The following USP33 variants were observed in gnomAD, a reference collection of about 807,000 sequenced individuals.
USP33 encodes ubiquitin carboxyl-terminal hydrolase 33.
In USP33, 46 loss-of-function variants were observed where a neutral mutation model predicts 124.2. The ratio of observed to expected loss-of-function variants is 0.37; its 90% CI spans 0.29 to 0.47. The LOEUF (loss-of-function observed/expected upper bound fraction) is 0.47. Ranked by LOEUF, USP33 falls within the 20% of genes least tolerant of loss-of-function variation. The pLI is 0.99. For synonymous variants in USP33, 350 were observed against 352.3 expected (o/e 0.99, Z 0.07); for missense variants, 851 against 1,070.6 (o/e 0.79, Z 2.86).
intron 21 of USP33, among the ~76,000 whole-genome samples, chr1:77,709,552 C>T (rs1475603821): frequency 2.0e-5 from 3 of 150,494 alleles, no homozygotes; most frequent in Non-Finnish European, 4.4e-5. Context: ...TATATAGATA[C>T]ATATCTATAT....
intron 16 of USP33, 29 bp from the exon 17 acceptor site, chr1:77,718,076 T>C (rs768091514): frequency 6.5e-7 from 1 of 1,544,018 alleles, no homozygotes; most frequent in South Asian, 1.3e-5. Context: ...CAAAACTAAT[T>C]TGTCAATACA....
At chr1:77,707,417 G>A (rs1674753889) in intron 21 of USP33, among the ~76,000 whole-genome samples, 2 of 152,204 alleles carry the variant, frequency 1.3e-5, no homozygotes, top group South Asian at 4.2e-4. Flanking sequence ...TCTGTGAAGG[G>A]TCACTTACTG....
At chr1:77,736,776 A>G (rs1315706498) in intron 5 of USP33, among the ~76,000 whole-genome samples, 1 of 152,006 alleles carries the variant, frequency 6.6e-6, no homozygotes, top group Non-Finnish European at 1.5e-5. Flanking sequence ...CGCCCAGCTA[A>G]TTTTTGTATT....
At chr1:77,707,405 T>A (rs532835443) in intron 21 of USP33, among the ~76,000 whole-genome samples, 5 of 152,330 alleles carry the variant, frequency 3.3e-5, no homozygotes, top group Non-Finnish European at 5.9e-5. Context: ...CTGCTGTGTA[T>A]CTCTGTGAAG....
At chr1:77,743,006 G>C in intron 1 of USP33, among the ~76,000 whole-genome samples, 1 of 151,928 alleles carries the variant, frequency 6.6e-6, no homozygotes, top group Non-Finnish European at 1.5e-5. Context: ...GCAATGGCGT[G>C]ATCTCAGCTC....
chr1:77,714,576 A>G (rs563665053), intron 19 of USP33, 38 bp downstream of exon 19: 2 of 1,572,154 alleles, frequency 1.3e-6, no homozygotes, highest in Non-Finnish European at 1.7e-6. Flanking sequence ...ATTTTACAGC[A>G]AACTTCTACT....
intron 21 of USP33, 37 bp from the exon 22 acceptor site, chr1:77,701,508 A>C: frequency 6.5e-7 from 1 of 1,537,014 alleles, no homozygotes; most frequent in Non-Finnish European, 8.9e-7. Context: ...CTAATATCTA[A>C]AACTTGCTTT....
At chr1:77,700,687 A>G (rs1219205699) in intron 22 of USP33, among the ~76,000 whole-genome samples, 2 of 151,340 alleles carry the variant, frequency 1.3e-5, no homozygotes, top group South Asian at 2.1e-4. Flanking sequence ...CCTTTTTCAC[A>G]TATCAGAATC....
Position 77,759,834 on chromosome 1 carries a change from G to C in USP33, c.-243C>G, listed in dbSNP as rs867472941. Reference sequence around the variant, plus strand: ...ACTGGCCACTTCCCGCAGCAGCCGCGGCTCCTTCCGGTGTCTCCGGGGCCG... The same window carrying C: ...ACTGGCCACTTCCCGCAGCAGCCGCCGCTCCTTCCGGTGTCTCCGGGGCCG... On this transcript the variant is annotated 5_prime_UTR_variant, in exon 1 of 24. Transcript: ENST00000370794. 5 of 396,532 alleles carry C rather than the reference G, an allele frequency of 1.3e-5. No individual in the cohort carries two copies. The highest frequency in any genetic ancestry group is 6.3e-4 in the Middle Eastern group (1 of 1,580). 24.6% of individuals were successfully genotyped at this position (396,532 alleles called of 1,614,324 possible).
At chr1:77,742,686 C>T (rs1238113337) in intron 1 of USP33, among the ~76,000 whole-genome samples, 1 of 152,102 alleles carries the variant, frequency 6.6e-6, no homozygotes, top group Non-Finnish European at 1.5e-5. Flanking sequence ...GCTTTTCATG[C>T]TCTTAATTCA....
intron 14 of USP33, 109 bp downstream of exon 14, chr1:77,721,722 T>C: frequency 1.1e-6 from 1 of 946,074 alleles, no homozygotes; most frequent in Non-Finnish European, 1.6e-6. Context: ...GTGAATGTAC[T>C]ATTAAGCTGT....
intron 10 of USP33, among the ~76,000 whole-genome samples, chr1:77,727,456 T>A (rs1677296851): frequency 1.3e-5 from 2 of 152,172 alleles, no homozygotes; most frequent in South Asian, 4.1e-4. Context: ...CTACACAAGA[T>A]CAGTATAATT....
chr1:77,723,289 T>C (rs745357237), intron 12 of USP33, 42 bp downstream of exon 12: 1 of 1,401,512 alleles, frequency 7.1e-7, no homozygotes, highest in Admixed American at 1.9e-5. Context: ...TAAAAATCAT[T>C]TGACACGAAT....
At chr1:77,725,582 G>C (rs765745267) in intron 11 of USP33, 40 bp downstream of exon 11, 3 of 1,595,064 alleles carry the variant, frequency 1.9e-6, no homozygotes, top group African/African-American at 1.3e-5. Flanking sequence ...TTTAAACTAA[G>C]ACCCAAAGCA....
At chr1:77,740,355 T>G (rs980378671) in intron 4 of USP33, among the ~76,000 whole-genome samples, 2 of 141,174 alleles carry the variant, frequency 1.4e-5, no homozygotes, top group African/African-American at 2.6e-5. Flanking sequence ...GGATATACAC[T>G]TTTTTTTTTT....
In USP33 at chr1:77,725,670, G is replaced by A; in HGVS notation, c.1228C>T (p.Pro410Ser). 1 of 1,614,162 alleles carries A rather than the reference G, an allele frequency of 6.2e-7. No individual in the cohort carries two copies. The highest frequency in any genetic ancestry group is 8.5e-7 in the Non-Finnish European group (1 of 1,180,026). ...GVNPRLSASP[P>S]KSGNLWPGLA... ...CCTGGCCACAAATTGCCTGATTTAG[G>A]AGGGCTTGCCGATAAACGTGGATTA... The change falls in exon 11 of 24, where the codon CCT becomes TCT. Residue 410 changes from proline (P) to serine (S), a missense_variant. Physicochemically the swap from Pro to Ser is moderately conservative, Grantham distance 74 (BLOSUM62 -1). Around this residue, in one of 4 missense-constraint regions of USP33, gnomAD observed 207 missense variants for 200.9 expected, o/e 1.03. Transcript: ENST00000370794.
chr1:77,718,556 C>T, intron 16 of USP33, 40 bp downstream of exon 16: 2 of 1,470,698 alleles, frequency 1.4e-6, no homozygotes, highest in South Asian at 2.4e-5. Context: ...CTTTATGTTC[C>T]TACCACACAA....
chr1:77,718,677 A>C, intron 15 of USP33, 36 bp from the exon 16 acceptor site: 1 of 1,520,702 alleles, frequency 6.6e-7, no homozygotes, highest in Non-Finnish European at 9.0e-7. Flanking sequence ...TTAGTCTACA[A>C]AAAAACTTAG....
In USP33 at chr1:77,720,479, T is replaced by G. The variant is rs992302034; in HGVS notation, c.1691+693A>C. 7 of 985,432 alleles carry G rather than the reference T, an allele frequency of 7.1e-6. No individual in the cohort carries two copies. In the African/African-American group the frequency reaches 1.2e-4, roughly 17 times the overall value. 61.0% of individuals were successfully genotyped at this position (985,432 alleles called of 1,614,324 possible). On this transcript the variant is annotated intron_variant, in intron 15 of 23. Coordinates refer to ENST00000370794, the MANE Select transcript of USP33 (RefSeq NM_201624.3). Reference sequence around the variant, plus strand: ...CTTTATCAACCAAATAGTATACCATTCCTTTCTGTCATGTCATGATCAGTT... The same window carrying G: ...CTTTATCAACCAAATAGTATACCATGCCTTTCTGTCATGTCATGATCAGTT...
Sources: allele counts gnomAD v4.1 joint callset (sites outside exome capture counted in the v4.1 genomes callset), GRCh38; gene constraint gnomAD v4.1.1; regional missense constraint gnomAD v4.1.1; transcripts MANE v1.5; gene names NCBI Gene and HGNC (gene_info 2026-07-23, HGNC 2026-07-21).